CASP10: variants seen among roughly 807,000 people sequenced by gnomAD.
The protein encoded by CASP10 is caspase-10.
Under a neutral mutation model 48.5 loss-of-function variants are expected in CASP10, and 41 were observed. That is an observed-to-expected ratio of 0.85 (90% CI 0.66 to 1.10). The LOEUF (loss-of-function observed/expected upper bound fraction) is 1.10, where lower values mean the gene tolerates loss of function less well. Ranked by LOEUF, CASP10 falls within the 50% of genes least tolerant of loss-of-function variation. The pLI, the probability that CASP10 is intolerant of heterozygous loss-of-function variation, is 0.00. For missense variants in CASP10, 614 were observed against 614.5 expected, an observed-to-expected ratio of 1.00 and a Z score of 0.01; for synonymous variants, 232 against 238.4, an observed-to-expected ratio of 0.97 and a Z score of 0.25.
intron 3 of CASP10, among the ~76,000 whole-genome samples, chr2:201,191,633 A>G (rs1944614358): frequency 2.0e-5 from 3 of 152,206 alleles, no homozygotes; most frequent in Admixed American, 1.3e-4. Flanking sequence ...CCACCATTGG[A>G]AAAGGGCCTG....
chr2:201,212,564 C>T (rs1010092825), intron 9 of CASP10: 1 of 152,068 alleles, frequency 6.6e-6, no homozygotes, highest in African/African-American at 2.4e-5. Context: ...GTCACCAATG[C>T]GATTGTATAG....
chr2:201,187,540 AGAAACT>A, intron 2 of CASP10, 160 bp from the exon 3 acceptor site: 1 of 681,628 alleles, frequency 1.5e-6, no homozygotes, highest in East Asian at 2.7e-5. Context: ...CAAGTCACTT[AGAAACT>A]GAAAGTTTTC....
downstream of CASP10, chr2:201,221,703 ACCT>A (rs922596993): frequency 4.6e-5 from 7 of 152,198 alleles, no homozygotes; most frequent in South Asian, 2.1e-4. Context: ...CGCGAGTGAA[ACCT>A]CCTTCATCAG....
rs41513147 is a variant in CASP10, at chr2:201,209,477, C to A, written c.1330C>A (p.Pro444Thr). 2 of 1,614,048 alleles carry A rather than the reference C, an allele frequency of 1.2e-6. No homozygotes were observed. The change falls in exon 9 of 10, where the codon CCA becomes ACA. Residue 444 changes from proline to threonine, a missense_variant. Transcript: ENST00000286186. ...ADFLLGLATV[P>T]GYVSFRHVEE... Reference sequence around the variant, plus strand: ...CTTCCTACTTGGTCTGGCCACTGTCCCAGGCTATGTATCCTTTCGGCATGT... The same window carrying A: ...CTTCCTACTTGGTCTGGCCACTGTCACAGGCTATGTATCCTTTCGGCATGT...
chr2:201,193,115 G>C lies in CASP10; in HGVS notation c.573G>C (p.Glu191Asp). 6.2e-7 allele frequency: 1 copy of C among 1,613,522 alleles called. No individual in the cohort carries two copies. The highest frequency in any genetic ancestry group is 1.7e-5 in the Admixed American group (1 of 60,000). Residue 191 changes from glutamate to aspartate, a missense_variant, in exon 4 of 10, where the codon GAG (glutamate) becomes GAC (aspartate). Coordinates refer to ENST00000286186, the MANE Select transcript of CASP10 (RefSeq NM_032977.4). ...LLRNIEKYKREKAIQIVTPPV... is the reference protein window; with the variant it reads ...LLRNIEKYKRDKAIQIVTPPV... ...GAAACATAGAGAAATACAAAAGAGA[G>C]AAAGGTAAGTAGCTTGTGATTGCTA...
At position 201,217,981 on chromosome 2, in the gene CASP10, A is replaced by G. The variant is rs1945627387; in HGVS notation, c.*240A>G. The G allele has an allele frequency of 8.9e-7, 1 of 1,118,176 alleles. No individual in the cohort carries two copies. Among genetic ancestry groups the G allele is most frequent in the African/African-American group, 1.6e-5 (1 of 62,342 alleles). 69.3% of individuals were successfully genotyped at this position (1,118,176 alleles called of 1,614,324 possible). A position where few individuals can be genotyped will look rare whatever the true frequency, so the allele number is the denominator to read the frequency against. On this transcript the variant is annotated 3_prime_UTR_variant, in exon 10 of 10. Transcript: ENST00000286186. ...CAGACTGGAGTGCAGGGGGGCAATC[A>G]CGGCTCACTGTAGTCTCGACCTCCC...
Position 201,219,304 on chromosome 2 carries a change from A to G in CASP10, c.*1563A>G. ...TTCAATATTGGGGTTGGAACATTTCAGTTGCCATTGACAGAACACCCAATT... is the reference window on the plus strand; with the variant it reads ...TTCAATATTGGGGTTGGAACATTTCGGTTGCCATTGACAGAACACCCAATT... On this transcript the variant is annotated 3_prime_UTR_variant, in exon 10 of 10. Coordinates refer to ENST00000286186, the MANE Select transcript of CASP10 (RefSeq NM_032977.4). 2.7e-6 allele frequency: 1 copy of G among 370,834 alleles called. No individual in the cohort carries two copies. Among genetic ancestry groups the G allele is most frequent in the Non-Finnish European group, 3.7e-6 (1 of 268,394 alleles). The allele number at this position is 370,834 out of a possible 1,614,324, so 23.0% of individuals were successfully genotyped here.
chr2:201,225,657 A>G (rs2126068523), downstream of CASP10, among the ~76,000 whole-genome samples: 1 of 152,318 alleles, frequency 6.6e-6, no homozygotes, highest in South Asian at 2.1e-4. Flanking sequence ...ATTTTAAAAC[A>G]TCAAAAACAA....
Position 201,197,059 on chromosome 2 carries a change from C to T in CASP10, c.684+1111C>T, listed in dbSNP as rs146255232. On this transcript the variant is annotated intron_variant, in intron 5 of 9. Coordinates refer to ENST00000286186, the MANE Select transcript of CASP10 (RefSeq NM_032977.4). The stretch of plus-strand genomic sequence containing the variant: ...AATAATATTCCACTGTGTGTATATA[C>T]AGTAAGTCCTCACTTAAAAGGTTGA... 5.0e-3 allele frequency among the ~76,000 whole-genome samples: 764 copies of T among 152,200 alleles called. 9 individuals carry two copies. The highest frequency in any genetic ancestry group is 0.017 in the African/African-American group (718 of 41,536).
chr2:201,193,371 C>T, intron 4 of CASP10: 1 of 377,046 alleles, frequency 2.7e-6, no homozygotes, highest in Non-Finnish European at 5.1e-6. Context: ...CCACGCCTGG[C>T]TAATTTTTGT....
Position 201,220,498 on chromosome 2 carries a change from A to G in CASP10, c.*2757A>G, listed in dbSNP as rs13414860. On this transcript the variant is annotated 3_prime_UTR_variant, in exon 10 of 10. Coordinates refer to ENST00000286186, the MANE Select transcript of CASP10 (RefSeq NM_032977.4). ...GGGGTGTACCTACAGCTGCAGAAATATTGTATGGGAACGGACACACAACTC... is the reference window on the plus strand; with the variant it reads ...GGGGTGTACCTACAGCTGCAGAAATGTTGTATGGGAACGGACACACAACTC... 0.059 allele frequency: 9,053 copies of G among 154,366 alleles called. 885 individuals are homozygous for G. Among genetic ancestry groups the G allele is most frequent in the African/African-American group, 0.21 (8,534 of 41,480 alleles). 9.6% of individuals were successfully genotyped at this position (154,366 alleles called of 1,614,324 possible).
intron 5 of CASP10, chr2:201,200,532 C>G: frequency 6.3e-7 from 1 of 1,597,748 alleles, no homozygotes; most frequent in Non-Finnish European, 8.5e-7. Context: ...GCTGGGCAAA[C>G]GCCCACCTGA....
At chr2:201,206,005 T>A in intron 7 of CASP10, 32 bp downstream of exon 7, 1 of 1,425,162 alleles carries the variant, frequency 7.0e-7, no homozygotes, top group Non-Finnish European at 9.8e-7. Context: ...CCTTTTTTAA[T>A]AAAAAAATTT....
At chr2:201,222,307 C>A (rs1292110192), downstream of CASP10, among the ~76,000 whole-genome samples, 1 of 150,796 alleles carries the variant, frequency 6.6e-6, no homozygotes, top group Non-Finnish European at 1.5e-5. Context: ...ACCTTCGTCT[C>A]CTGGGTTCAA....
At chr2:201,185,601 T>C (rs963598157) in intron 1 of CASP10, among the ~76,000 whole-genome samples, 170 bp from the exon 2 acceptor site, 1 of 152,194 alleles carries the variant, frequency 6.6e-6, no homozygotes, top group African/African-American at 2.4e-5. Context: ...AAAAGTTTTC[T>C]GGGCTGTTGC....
chr2:201,218,919 T>C lies in CASP10; in HGVS notation c.*1178T>C, dbSNP rs187888242. ...AGAGACAGGTTTCCCTGTAGGAAGA[T>C]GATGGCTCATTTACACTCAGCTGCT... On this transcript the variant is annotated 3_prime_UTR_variant, in exon 10 of 10. Transcript: ENST00000286186. The C allele has an allele frequency of 1.0e-5, 10 of 985,468 alleles. No homozygotes were observed. In the Admixed American group the frequency reaches 1.8e-4, roughly 18 times the overall value. The allele number at this position is 985,468 out of a possible 1,614,324, so 61.0% of individuals were successfully genotyped here.
At chr2:201,192,800 A>C (rs1193341357) in intron 3 of CASP10, among the ~76,000 whole-genome samples, 184 bp from the exon 4 acceptor site, 1 of 152,188 alleles carries the variant, frequency 6.6e-6, no homozygotes, top group Non-Finnish European at 1.5e-5. Context: ...TGGTATTAAT[A>C]TAGATTGTAT....
intron 3 of CASP10, among the ~76,000 whole-genome samples, chr2:201,192,042 G>A (rs1219785442): frequency 1.3e-5 from 2 of 152,142 alleles, no homozygotes; most frequent in Admixed American, 6.6e-5. Context: ...ATGAATTTCC[G>A]TAATTGCTTC....
intron 8 of CASP10, chr2:201,208,453 TCCA>T (rs1221431151): frequency 1.4e-6 from 1 of 709,128 alleles, no homozygotes; most frequent in Non-Finnish European, 1.7e-6. Context: ...GAGCTCCAGC[TCCA>T]CCACTAACTA....
Sources: gnomAD v4.1 joint callset for allele counts (sites outside exome capture counted in the v4.1 genomes callset) on GRCh38, gnomAD v4.1.1 for gene constraint, MANE v1.5 for transcripts, NCBI Gene and HGNC (gene_info 2026-07-23, HGNC 2026-07-21) for gene names.